Variants in CHLSN observed in about 807,000 individuals in gnomAD.
CHLSN encodes cholesin, also known as protein cholesin.
the CHLSN span, chr7:1,026,495 G>T: frequency 6.6e-6 from 1 of 152,310 alleles, no homozygotes; most frequent in South Asian, 2.1e-4. Flanking sequence ...ACTAGCAGTC[G>T]GAGGCGGCGT....
the CHLSN span, among the ~76,000 whole-genome samples, chr7:985,983 C>A: frequency 6.6e-6 from 1 of 152,116 alleles, no homozygotes; most frequent in Non-Finnish European, 1.5e-5. Context: ...GTGAGACCAC[C>A]CTGCCTGCTG....
At chr7:1,046,161 A>G in the CHLSN span, among the ~76,000 whole-genome samples, 1 of 152,186 alleles carries the variant, frequency 6.6e-6, no homozygotes, top group Non-Finnish European at 1.5e-5. Flanking sequence ...CGGAAGAGGG[A>G]CATGCTGCTC....
chr7:1,072,973 C>A, the CHLSN span, among the ~76,000 whole-genome samples: 1 of 152,216 alleles, frequency 6.6e-6, no homozygotes, highest in Non-Finnish European at 1.5e-5. Context: ...ACAGGACTGA[C>A]AGAGCCTTCA....
At chr7:1,137,781 C>G in the CHLSN span, 1 of 152,198 alleles carries the variant, frequency 6.6e-6, no homozygotes, top group Non-Finnish European at 1.5e-5. Flanking sequence ...GCACTCCAGC[C>G]TGGGTGGCAC....
the CHLSN span, among the ~76,000 whole-genome samples, chr7:981,286 G>A: frequency 1.4e-5 from 2 of 143,878 alleles, no homozygotes; most frequent in African/African-American, 5.2e-5. Flanking sequence ...ACGAGAGTGA[G>A]ACTCCATCTC....
chr7:1,104,020 T>G, the CHLSN span, among the ~76,000 whole-genome samples: 51 of 152,198 alleles, frequency 3.4e-4, no homozygotes, highest in African/African-American at 1.1e-3. Context: ...CGGTGCCACC[T>G]AAGCACCAGC....
the CHLSN span, among the ~76,000 whole-genome samples, chr7:1,098,690 A>T: frequency 6.6e-6 from 1 of 152,154 alleles, no homozygotes; most frequent in East Asian, 1.9e-4. Flanking sequence ...TAAAGCAGAC[A>T]CGAGTGGAGC....
At chr7:1,008,528 G>A in the CHLSN span, among the ~76,000 whole-genome samples, 6 of 152,276 alleles carry the variant, frequency 3.9e-5, no homozygotes, top group South Asian at 1.2e-3. Flanking sequence ...CCAGTGCAGA[G>A]ACCCATGATG....
the CHLSN span, chr7:1,074,707 C>G: frequency 6.6e-6 from 1 of 152,334 alleles, no homozygotes; most frequent in African/African-American, 2.4e-5. Flanking sequence ...GCTCTGAGGT[C>G]GCGCAGGTGT....
the CHLSN span, among the ~76,000 whole-genome samples, chr7:1,054,189 G>C: frequency 1.3e-5 from 2 of 152,210 alleles, no homozygotes; most frequent in African/African-American, 4.8e-5. Flanking sequence ...GGTAAAAGGA[G>C]GGCTCCAGGG....
the CHLSN span, among the ~76,000 whole-genome samples, chr7:1,005,839 CCT>C: frequency 1.3e-5 from 2 of 152,256 alleles, no homozygotes; most frequent in African/African-American, 4.8e-5. Flanking sequence ...GGTCCCAGTT[CCT>C]CTCTCTCCTG....
chr7:1,104,365 T>C, the CHLSN span, among the ~76,000 whole-genome samples: 4,274 of 152,304 alleles, frequency 0.028, 187 homozygotes, highest in African/African-American at 0.097. Context: ...TGCCTGTGAA[T>C]AGTGACTGCA....
At chr7:1,028,283 G>T in the CHLSN span, 3 of 1,070,204 alleles carry the variant, frequency 2.8e-6, no homozygotes, top group Non-Finnish European at 2.3e-6. Context: ...CAGGTCCCGC[G>T]GGCACGGACG....
the CHLSN span, among the ~76,000 whole-genome samples, chr7:1,112,847 A>G: frequency 1.3e-5 from 2 of 152,166 alleles, no homozygotes; most frequent in Non-Finnish European, 2.9e-5. Flanking sequence ...ACATCTAAAC[A>G]TGCATGCACC....
At chr7:1,123,068 C>A in the CHLSN span, among the ~76,000 whole-genome samples, 1 of 152,224 alleles carries the variant, frequency 6.6e-6, no homozygotes, top group Non-Finnish European at 1.5e-5. The surrounding 1 kb of genome is among the most constrained non-coding windows in gnomAD (Gnocchi z 4.4). Flanking sequence ...GCAAACAACA[C>A]CCAGAGCCGA....
At chr7:1,113,346 GC>G in the CHLSN span, among the ~76,000 whole-genome samples, 1 of 152,168 alleles carries the variant, frequency 6.6e-6, no homozygotes, top group Non-Finnish European at 1.5e-5. Context: ...AGCAACCAAT[GC>G]CCTGAAAGCC....
chr7:1,058,584 C>T, the CHLSN span: 1 of 674,686 alleles, frequency 1.5e-6, no homozygotes. Flanking sequence ...CCTGGACGCT[C>T]CCCACATCCT....
chr7:986,777 G>T, the CHLSN span: 1 of 1,583,880 alleles, frequency 6.3e-7, no homozygotes, highest in Admixed American at 1.8e-5. Flanking sequence ...CTATGTGGAC[G>T]CCCTGATCCA....
At chr7:1,127,231 G>A in the CHLSN span, 19 of 1,579,574 alleles carry the variant, frequency 1.2e-5, no homozygotes, top group Middle Eastern at 1.7e-4. Flanking sequence ...CAGAGGGCAG[G>A]GCCAGTGAAG....
Sources: allele counts gnomAD v4.1 joint callset (sites outside exome capture counted in the v4.1 genomes callset), GRCh38; gene constraint gnomAD v4.1.1; non-coding constraint Gnocchi (gnomAD v3.1); transcripts MANE v1.5; gene names NCBI Gene and HGNC (gene_info 2026-07-23, HGNC 2026-07-21).